The following SHANK2 variants were observed in gnomAD, a reference collection of about 807,000 sequenced individuals.
SHANK2 encodes the protein SH3 and multiple ankyrin repeat domains protein 2.
Under a neutral mutation model 133.7 loss-of-function variants are expected in SHANK2, and 43 were observed. The observed-to-expected ratio is 0.32, with a 90% confidence interval of 0.25 to 0.41. SHANK2 has a LOEUF of 0.41. Among genes scored for constraint, SHANK2 ranks in the 10% least tolerant of loss-of-function variants. The pLI is 1.00. For missense variants in SHANK2, 1,994 were observed against 2,235.8 expected (o/e 0.89, Z 2.18); for synonymous variants, 1,017 against 952.8 (o/e 1.07, Z -1.24).
At chr11:70,548,831 A>C (rs10899153) in intron 17 of SHANK2, among the ~76,000 whole-genome samples, 23,411 of 152,170 alleles carry the variant, frequency 0.15, 2,004 homozygotes, top group East Asian at 0.39. Flanking sequence ...GTTCTCAAAC[A>C]AGAGGACAAT....
intron 14 of SHANK2, among the ~76,000 whole-genome samples, chr11:70,765,216 G>A (rs184878795): frequency 1.3e-3 from 191 of 152,288 alleles, no homozygotes; most frequent in Non-Finnish European, 1.8e-3. Context: ...ATGGCTGGCC[G>A]CCTCCAAAGA....
In SHANK2 at chr11:71,188,690, T is replaced by G. The variant is rs1953724911; in HGVS notation, c.-13+36007A>C. On this transcript the variant is annotated intron_variant, in intron 2 of 25. Coordinates refer to ENST00000601538, the MANE Select transcript of SHANK2 (RefSeq NM_012309.5). This position sits in a 1 kb window ranked among gnomAD's most constrained non-coding sequence, Gnocchi z 4.6. ...GCACCGTGCTGGTGCTAGAGTGCCC[T>G]GCTCACTCATCTGTCGCCCACCACA... Among the ~76,000 whole-genome samples the G allele has an allele frequency of 6.6e-6, 1 of 152,170 alleles. No homozygotes were observed.
At chr11:70,922,974 C>T (rs1042534304) in intron 10 of SHANK2, among the ~76,000 whole-genome samples, 3 of 152,010 alleles carry the variant, frequency 2.0e-5, no homozygotes, top group South Asian at 2.1e-4. Context: ...AAAAAATCCA[C>T]ACATTTGTAA....
chr11:70,473,442 G>T lies in SHANK2; in HGVS notation c.4980-3C>A. On this transcript the variant is annotated splice_polypyrimidine_tract_variant and splice_region_variant and intron_variant, in intron 25 of 25. Transcript: ENST00000601538. The surrounding 1 kb of genome is among the most constrained non-coding windows in gnomAD (Gnocchi z 5.9). Reference sequence around the variant, plus strand: ...TGGTGCTCATGATCTCCGGGCTTCTGAAACAGCAACACAGAGAAAACCATC... The same window carrying T: ...TGGTGCTCATGATCTCCGGGCTTCTTAAACAGCAACACAGAGAAAACCATC... The T allele has an allele frequency of 6.2e-7, 1 of 1,601,722 alleles. No homozygotes were observed.
intron 13 of SHANK2, among the ~76,000 whole-genome samples, chr11:70,802,031 C>T (rs978405915): frequency 6.6e-6 from 1 of 152,120 alleles, no homozygotes; most frequent in Non-Finnish European, 1.5e-5. Flanking sequence ...CTTGGGGCAA[C>T]CCTGCAGGAA....
intron 10 of SHANK2, among the ~76,000 whole-genome samples, chr11:70,916,767 T>TC (rs1305167056): frequency 6.6e-6 from 1 of 152,092 alleles, no homozygotes; most frequent in Non-Finnish European, 1.5e-5. Flanking sequence ...CTTGCAGGTA[T>TC]CCAAGCAGCC....
chr11:71,237,596 C>T (rs538948345), intron 1 of SHANK2, among the ~76,000 whole-genome samples: 2 of 152,322 alleles, frequency 1.3e-5, no homozygotes, highest in African/African-American at 4.8e-5. Context: ...AGGGCTGCAG[C>T]GAAGGATCCA....
chr11:70,705,041 G>A (rs1945629487), intron 14 of SHANK2: 1 of 152,210 alleles, frequency 6.6e-6, no homozygotes, highest in South Asian at 2.1e-4. Flanking sequence ...AGAAGCTGGT[G>A]GTTCTATTAG....
At chr11:70,751,916 A>T (rs1565291635) in intron 14 of SHANK2, among the ~76,000 whole-genome samples, 1 of 152,208 alleles carries the variant, frequency 6.6e-6, no homozygotes, top group Admixed American at 6.5e-5. Flanking sequence ...AAAAGTAACA[A>T]GTCAAATAAT....
At chr11:70,679,251 A>G (rs1334608124) in intron 15 of SHANK2, among the ~76,000 whole-genome samples, 14 of 152,176 alleles carry the variant, frequency 9.2e-5, no homozygotes, top group Admixed American at 9.2e-4. Flanking sequence ...CCCATTTTAC[A>G]AACAAGGAAG....
At chr11:70,763,006 C>T (rs747294342) in intron 14 of SHANK2, among the ~76,000 whole-genome samples, 81 of 152,338 alleles carry the variant, frequency 5.3e-4, no homozygotes, top group Non-Finnish European at 9.7e-4. Context: ...TCCACCTGGG[C>T]ACATCCCTCC....
In SHANK2 at chr11:70,657,565, C is replaced by T. The variant is rs146185577; in HGVS notation, c.2061+2263G>A. Among the ~76,000 whole-genome samples, 132 of 152,254 alleles carry T rather than the reference C, an allele frequency of 8.7e-4. 1 individual carries two copies. The highest frequency in any genetic ancestry group is 4.5e-3 in the Admixed American group (69 of 15,296). On this transcript the variant is annotated intron_variant, in intron 17 of 25. Transcript: ENST00000601538. ...CCAGGATCGTGCAAGGGTCCAGCTG[C>T]CTGCACCCCGCACCCTCATTAGTGT...
At chr11:70,928,542 G>A (rs1950459967) in intron 10 of SHANK2, among the ~76,000 whole-genome samples, 1 of 152,160 alleles carries the variant, frequency 6.6e-6, no homozygotes, top group Non-Finnish European at 1.5e-5. Context: ...TGGGATCACA[G>A]GGCCTCAGAA....
At chr11:71,117,547 C>T (rs560531803) in intron 4 of SHANK2, among the ~76,000 whole-genome samples, 2 of 152,300 alleles carry the variant, frequency 1.3e-5, no homozygotes, top group African/African-American at 2.4e-5. Context: ...AGGGTCAGGA[C>T]TCCCAGTCGC....
At chr11:71,163,093 A>AAAAACAT in intron 2 of SHANK2, among the ~76,000 whole-genome samples, 6 of 84,704 alleles carry the variant, frequency 7.1e-5, no homozygotes, top group African/African-American at 2.3e-4. Flanking sequence ...AAAAAAAAAA[A>AAAAACAT]ATACATATAT....
chr11:70,938,642 T>C (rs1251902396), intron 10 of SHANK2, among the ~76,000 whole-genome samples: 1 of 152,174 alleles, frequency 6.6e-6, no homozygotes, highest in Non-Finnish European at 1.5e-5. Context: ...ACGCGGCTTC[T>C]AGTCGAGGAG....
chr11:70,857,478 T>C (rs1432311271), intron 11 of SHANK2, among the ~76,000 whole-genome samples: 1 of 152,178 alleles, frequency 6.6e-6, no homozygotes, highest in East Asian at 1.9e-4. Context: ...GCCCAACAGA[T>C]GACTGCTGGG....
chr11:70,864,780 C>G (rs1949326682), intron 11 of SHANK2: 1 of 152,356 alleles, frequency 6.6e-6, no homozygotes, highest in Non-Finnish European at 1.5e-5. Flanking sequence ...AATCCCAGTG[C>G]TTTGGGAGGC....
intron 2 of SHANK2, among the ~76,000 whole-genome samples, chr11:71,191,636 T>C (rs1282722962): frequency 6.6e-6 from 1 of 152,128 alleles, no homozygotes; most frequent in Admixed American, 6.6e-5. Context: ...CTCAGCTCAC[T>C]ATAACCTCTG....
Sources: allele counts gnomAD v4.1 joint callset (sites outside exome capture counted in the v4.1 genomes callset), GRCh38; gene constraint gnomAD v4.1.1; non-coding constraint Gnocchi (gnomAD v3.1); transcripts MANE v1.5; gene names NCBI Gene and HGNC (gene_info 2026-07-23, HGNC 2026-07-21).